MPZL1: variants seen among roughly 807,000 people sequenced by gnomAD.
The protein encoded by MPZL1 is myelin protein zero-like protein 1.
Under a neutral mutation model 29.3 loss-of-function variants are expected in MPZL1, and 16 were observed. The observed-to-expected ratio is 0.55, with a 90% CI of 0.37 to 0.83. The LOEUF (loss-of-function observed/expected upper bound fraction) is 0.83, where lower values mean the gene tolerates loss of function less well. Ranked by LOEUF, MPZL1 falls within the 40% of genes least tolerant of loss-of-function variation. MPZL1 has a pLI of 0.00. For missense variants in MPZL1, 279 were observed against 332.9 expected, an observed-to-expected ratio of 0.84 and a Z score of 1.26; for synonymous variants, 143 against 132.0, an observed-to-expected ratio of 1.08 and a Z score of -0.57.
intron 2 of MPZL1, 25 bp from the exon 3 acceptor site, chr1:167,772,250 A>G (rs1435009193): frequency 6.4e-7 from 1 of 1,563,688 alleles, no homozygotes; most frequent in South Asian, 1.1e-5. Flanking sequence ...AGAATAGTTC[A>G]TGTGTTCCTT....
At chr1:167,761,096 G>C (rs1458848905) in intron 1 of MPZL1, among the ~76,000 whole-genome samples, 1 of 152,124 alleles carries the variant, frequency 6.6e-6, no homozygotes, top group East Asian at 1.9e-4. Flanking sequence ...CAGTTTCTAT[G>C]GAGTAACGGA....
chr1:167,733,164 G>A (rs999989019), intron 1 of MPZL1, among the ~76,000 whole-genome samples: 2 of 152,144 alleles, frequency 1.3e-5, no homozygotes, highest in African/African-American at 2.4e-5. Flanking sequence ...TAGGAATACC[G>A]TGACCAGCTG....
intron 1 of MPZL1, among the ~76,000 whole-genome samples, chr1:167,749,595 T>G (rs1660715437): frequency 6.6e-6 from 1 of 152,258 alleles, no homozygotes; most frequent in African/African-American, 2.4e-5. Flanking sequence ...GATCTTTACC[T>G]GTAACACAGT....
At chr1:167,772,212 A>G (rs1661267429) in intron 2 of MPZL1, 63 bp from the exon 3 acceptor site, 7 of 1,332,680 alleles carry the variant, frequency 5.3e-6, no homozygotes, top group Non-Finnish European at 4.2e-6. Context: ...TAGCATGCAC[A>G]TTACAGAGTT....
chr1:167,729,597 GA>G (rs1439858271), intron 1 of MPZL1, among the ~76,000 whole-genome samples: 1 of 152,180 alleles, frequency 6.6e-6, no homozygotes, highest in Non-Finnish European at 1.5e-5. Flanking sequence ...GTTCCTAAGA[GA>G]AATGTGGTAA....
At chr1:167,754,970 C>A (rs1167010507) in intron 1 of MPZL1, among the ~76,000 whole-genome samples, 1 of 152,116 alleles carries the variant, frequency 6.6e-6, no homozygotes, top group Non-Finnish European at 1.5e-5. Flanking sequence ...TATTGGTATC[C>A]CCCACCAGAG....
At position 167,765,650 on chromosome 1, in the gene MPZL1, A is replaced by G. The variant is rs1229300545; in HGVS notation, c.159A>G (p.Gln53=). 6 of 1,613,630 alleles carry G rather than the reference A, an allele frequency of 3.7e-6. No homozygotes were observed. In the South Asian group the frequency reaches 6.6e-5, roughly 18 times the overall value. The change falls in exon 2 of 6, where the codon CAA becomes CAG. Residue 53 remains glutamine, a synonymous_variant. Coordinates refer to ENST00000359523, the MANE Select transcript of MPZL1 (RefSeq NM_003953.6). ...AAATCTTCGTGGCAAATGGTACACA[A>G]GGGAAGCTGACCTGCAAGTTCAAGT... ...PKEIFVANGT[Q]GKLTCKFKST...
intron 5 of MPZL1, among the ~76,000 whole-genome samples, chr1:167,778,940 G>T (rs946486752): frequency 1.3e-5 from 2 of 152,108 alleles, no homozygotes; most frequent in Non-Finnish European, 2.9e-5. Flanking sequence ...GCCTAACACG[G>T]TGAAAACCCA....
At chr1:167,749,460 A>T (rs1215109428) in intron 1 of MPZL1, among the ~76,000 whole-genome samples, 1 of 152,218 alleles carries the variant, frequency 6.6e-6, no homozygotes, top group African/African-American at 2.4e-5. Context: ...GGCTTAGGGG[A>T]AAATCTTGAA....
At chr1:167,747,989 T>G (rs1227225034) in intron 1 of MPZL1, among the ~76,000 whole-genome samples, 2 of 152,244 alleles carry the variant, frequency 1.3e-5, no homozygotes, top group Non-Finnish European at 2.9e-5. Context: ...ATATGGGGCC[T>G]TTTCTGTCTG....
At chr1:167,733,618 G>A (rs141739201) in intron 1 of MPZL1, among the ~76,000 whole-genome samples, 1 of 152,118 alleles carries the variant, frequency 6.6e-6, no homozygotes, top group Non-Finnish European at 1.5e-5. Flanking sequence ...GATGATGCGT[G>A]CCTGTAATCC....
intron 1 of MPZL1, 133 bp downstream of exon 1, chr1:167,722,375 CTG>C: frequency 2.5e-6 from 3 of 1,221,860 alleles, no homozygotes; most frequent in Non-Finnish European, 3.1e-6. Context: ...CCTGCGCTCT[CTG>C]GGGCCGAGGG....
At chr1:167,730,521 C>T (rs1484401257) in intron 1 of MPZL1, among the ~76,000 whole-genome samples, 1 of 152,112 alleles carries the variant, frequency 6.6e-6, no homozygotes, top group Non-Finnish European at 1.5e-5. Context: ...TCAGGTGATC[C>T]GCCTGCCACA....
At chr1:167,771,441 A>G (rs1232768599) in intron 2 of MPZL1, among the ~76,000 whole-genome samples, 1 of 151,392 alleles carries the variant, frequency 6.6e-6, no homozygotes, top group Non-Finnish European at 1.5e-5. Flanking sequence ...TTTTCCCCAC[A>G]TTTCCCCCTT....
At position 167,789,384 on chromosome 1, in the gene MPZL1, G is replaced by A. The variant is rs1379310486; in HGVS notation, c.*1463G>A. The A allele has an allele frequency of 1.3e-5, 2 of 152,100 alleles. No homozygotes were observed. The highest frequency in any genetic ancestry group is 1.5e-5 in the Non-Finnish European group (1 of 68,022). 9.4% of individuals were successfully genotyped at this position (152,100 alleles called of 1,614,324 possible). On this transcript the variant is annotated 3_prime_UTR_variant, in exon 6 of 6. Transcript: ENST00000359523. ...TCTGCAGAACGTGTTTGGGGTGAGTGGGAGTGAGGGGCAATGTTACTTTTT... is the reference window on the plus strand; with the variant it reads ...TCTGCAGAACGTGTTTGGGGTGAGTAGGAGTGAGGGGCAATGTTACTTTTT...
chr1:167,767,787 T>C (rs1399899282), intron 2 of MPZL1, among the ~76,000 whole-genome samples: 1 of 142,422 alleles, frequency 7.0e-6, no homozygotes, highest in Non-Finnish European at 1.5e-5. Context: ...TGTTTCCCTT[T>C]TCTGCTTTTT....
Position 167,731,717 on chromosome 1 carries a change from C to T in MPZL1, c.91+9475C>T, listed in dbSNP as rs769459078. On this transcript the variant is annotated intron_variant, in intron 1 of 5. Coordinates refer to ENST00000359523, the MANE Select transcript of MPZL1 (RefSeq NM_003953.6). ...CCTCCCAAACTGCTGGGATTACAGGCGTGAGCCACCGCACCCAGCCTAAAA... is the reference window on the plus strand; with the variant it reads ...CCTCCCAAACTGCTGGGATTACAGGTGTGAGCCACCGCACCCAGCCTAAAA... Among the ~76,000 whole-genome samples, 49 of 151,314 alleles carry T rather than the reference C, an allele frequency of 3.2e-4. No homozygotes were observed. In the Middle Eastern group the frequency reaches 0.01, roughly 32 times the overall value.
At chr1:167,757,462 C>T (rs543550750) in intron 1 of MPZL1, among the ~76,000 whole-genome samples, 47 of 152,264 alleles carry the variant, frequency 3.1e-4, no homozygotes, top group Admixed American at 5.2e-4. Flanking sequence ...GTACAGTTTA[C>T]ACTATCAGTA....
Position 167,782,973 on chromosome 1 carries a change from C to T in MPZL1, c.709-4847C>T, listed in dbSNP as rs537678965. Among the ~76,000 whole-genome samples, 3 of 152,274 alleles carry T rather than the reference C, an allele frequency of 2.0e-5. No individual in the cohort carries two copies. In the South Asian group the frequency reaches 6.2e-4, roughly 32 times the overall value. ...GTGAAACACATTTCAGACTTCTGAC[C>T]TGTAAAACTGTGAGATAATTAATAT... On this transcript the variant is annotated intron_variant, in intron 5 of 5. Coordinates refer to ENST00000359523, the MANE Select transcript of MPZL1 (RefSeq NM_003953.6).
Sources: allele counts gnomAD v4.1 joint callset (sites outside exome capture counted in the v4.1 genomes callset), GRCh38; gene constraint gnomAD v4.1.1; transcripts MANE v1.5; gene names NCBI Gene and HGNC (gene_info 2026-07-23, HGNC 2026-07-21).